RASGRP3: variants seen among roughly 807,000 people sequenced by gnomAD.
RASGRP3 encodes RAS guanyl releasing protein 3.
RASGRP3 carries 54 observed loss-of-function variants against 82.7 expected under a neutral mutation model. That is an observed-to-expected ratio of 0.65 (90% CI 0.52 to 0.82). The LOEUF is 0.82. Among genes scored for constraint, RASGRP3 ranks in the 40% least tolerant of loss-of-function variants. The pLI is 0.00. For synonymous variants in RASGRP3, 309 were observed against 300.5 expected, an observed-to-expected ratio of 1.03 and a Z score of -0.29; for missense variants, 861 against 828.9, an observed-to-expected ratio of 1.04 and a Z score of -0.48.
upstream of RASGRP3, chr2:33,476,488 A>G (rs1446483346): frequency 6.6e-6 from 1 of 152,226 alleles, no homozygotes; most frequent in Non-Finnish European, 1.5e-5. Flanking sequence ...GGCTGAGCCA[A>G]CTCAGGGGTT....
At chr2:33,458,422 G>A (rs556705341) in intron 2 of RASGRP3, among the ~76,000 whole-genome samples, 1 of 152,138 alleles carries the variant, frequency 6.6e-6, no homozygotes, top group African/African-American at 2.4e-5. Context: ...AGCCATATCA[G>A]TTAACAGTAA....
At chr2:33,492,914 T>C (rs1208127220) in intron 1 of RASGRP3, 4 of 152,228 alleles carry the variant, frequency 2.6e-5, no homozygotes, top group Non-Finnish European at 5.9e-5. Flanking sequence ...GGAGCCTTGG[T>C]GCACCGAAGT....
At chr2:33,561,453 CT>C (rs1265144355) in intron 17 of RASGRP3, among the ~76,000 whole-genome samples, 4 of 152,038 alleles carry the variant, frequency 2.6e-5, no homozygotes, top group Non-Finnish European at 5.9e-5. Flanking sequence ...GACGTATGCT[CT>C]TATATGAAAT....
intron 1 of RASGRP3, among the ~76,000 whole-genome samples, chr2:33,485,499 A>G (rs557949122): frequency 6.6e-6 from 1 of 152,336 alleles, no homozygotes; most frequent in Non-Finnish European, 1.5e-5. Flanking sequence ...GCAACACCCA[A>G]AAATCATTAT....
chr2:33,535,022 G>A (rs978439760), intron 11 of RASGRP3, among the ~76,000 whole-genome samples: 1 of 152,104 alleles, frequency 6.6e-6, no homozygotes, highest in Admixed American at 6.5e-5. Context: ...AAGGAAAGGA[G>A]TAATAACTCA....
chr2:33,515,527 T>C (rs772629014), intron 3 of RASGRP3, among the ~76,000 whole-genome samples: 1 of 152,238 alleles, frequency 6.6e-6, no homozygotes, highest in East Asian at 1.9e-4. Flanking sequence ...ATAGTACCAT[T>C]CCTAGTCTTC....
chr2:33,561,189 C>T (rs1043272809), intron 17 of RASGRP3, among the ~76,000 whole-genome samples: 5 of 152,146 alleles, frequency 3.3e-5, no homozygotes, highest in African/African-American at 9.6e-5. Context: ...GCCTCAGCCT[C>T]CCAAGTAGCT....
At chr2:33,478,826 C>G (rs1046209339) in intron 1 of RASGRP3, among the ~76,000 whole-genome samples, 1 of 152,200 alleles carries the variant, frequency 6.6e-6, no homozygotes, top group African/African-American at 2.4e-5. Flanking sequence ...ATAACAATCC[C>G]TTACTTTTAT....
rs998234673 is a variant in RASGRP3, at chr2:33,555,541, T to C, written c.1553T>C (p.Ile518Thr). 2.5e-6 allele frequency: 4 copies of C among 1,599,694 alleles called. No individual in the cohort carries two copies. The highest frequency in any genetic ancestry group is 3.4e-6 in the Non-Finnish European group (4 of 1,169,336). ...TGTCTTTTGTTACAGCTCTGGGGCA[T>C]AATCAAGCAAGGATACAAATGCAAA... ...CEHCAGFLWG[I>T]IKQGYKCKDC... is the part of the protein sequence containing the mutation. Residue 518 changes from isoleucine to threonine, a missense_variant, in exon 15 of 18, where the codon ATA (isoleucine) becomes ACA (threonine). By Grantham distance (89) the Ile-to-Thr change is moderately conservative. Coordinates refer to ENST00000403687, the MANE Select transcript of RASGRP3 (RefSeq NM_001139488.2).
intron 13 of RASGRP3, among the ~76,000 whole-genome samples, chr2:33,549,375 C>T (rs1179382167): frequency 6.6e-6 from 1 of 152,152 alleles, no homozygotes; most frequent in Admixed American, 6.5e-5. Context: ...TGCACACACA[C>T]ACACACACGC....
chr2:33,522,801 C>T lies in RASGRP3; in HGVS notation c.516+699C>T, dbSNP rs72785945. 5.4e-3 allele frequency among the ~76,000 whole-genome samples: 817 copies of T among 152,294 alleles called. 5 individuals are homozygous for T. The highest frequency in any genetic ancestry group is 0.017 in the Middle Eastern group (5 of 294). ...TTCCAAGGTGTCAGAGAATGAATTA[C>T]ATTATTGCGTGCAAAGAAGACTGTC... On this transcript the variant is annotated intron_variant, in intron 7 of 17. Coordinates refer to ENST00000403687, the MANE Select transcript of RASGRP3 (RefSeq NM_001139488.2).
intron 1 of RASGRP3, among the ~76,000 whole-genome samples, chr2:33,485,046 A>G (rs1668253576): frequency 6.6e-6 from 1 of 152,134 alleles, no homozygotes; most frequent in African/African-American, 2.4e-5. Context: ...TAAAAATACA[A>G]AATTAGCCAA....
intron 14 of RASGRP3, among the ~76,000 whole-genome samples, chr2:33,553,100 T>C (rs570560274): frequency 5.3e-5 from 8 of 150,852 alleles, no homozygotes; most frequent in Non-Finnish European, 1.0e-4. Flanking sequence ...CTGTATCTTT[T>C]TCAGCAGTTC....
At chr2:33,451,857 T>C (rs1281083437) in intron 2 of RASGRP3, among the ~76,000 whole-genome samples, 1 of 152,186 alleles carries the variant, frequency 6.6e-6, no homozygotes, top group Non-Finnish European at 1.5e-5. Context: ...CTAATGTATA[T>C]ATTGGATTGC....
At chr2:33,525,476 A>G (rs969601678) in intron 9 of RASGRP3, among the ~76,000 whole-genome samples, 1 of 152,002 alleles carries the variant, frequency 6.6e-6, no homozygotes, top group Admixed American at 6.6e-5. Flanking sequence ...AGATTCTCAT[A>G]TAAGAGTGCA....
chr2:33,519,044 A>T (rs953739675), intron 4 of RASGRP3, among the ~76,000 whole-genome samples: 13 of 152,232 alleles, frequency 8.5e-5, no homozygotes, highest in African/African-American at 3.1e-4. Context: ...ATTTATTCTC[A>T]AGTATCATAT....
Position 33,549,711 on chromosome 2 carries a change from C to A in RASGRP3, c.1502C>A (p.Thr501Asn). 6.2e-7 allele frequency: 1 copy of A among 1,613,964 alleles called. No individual in the cohort carries two copies. The highest frequency in any genetic ancestry group is 1.1e-5 in the South Asian group (1 of 91,074). ...TTTATCCATAATTTTCAGGAGATGA[C>A]CTATCTCAAGCCAACCTTCTGCGAA... ...PGFIHNFQEMTYLKPTFCEHC... is the reference protein window; with the variant it reads ...PGFIHNFQEMNYLKPTFCEHC... The change falls in exon 14 of 18, where the codon ACC becomes AAC. Residue 501 changes from threonine (T) to asparagine (N), a missense_variant. Coordinates refer to ENST00000403687, the MANE Select transcript of RASGRP3 (RefSeq NM_001139488.2).
chr2:33,533,802 A>T (rs1293566644), intron 10 of RASGRP3: 1 of 155,338 alleles, frequency 6.4e-6, no homozygotes, highest in African/African-American at 2.4e-5. Flanking sequence ...CTACGAACAC[A>T]TCTTTTTAGG....
At position 33,562,882 on chromosome 2, in the gene RASGRP3, G is replaced by A. The variant is rs1049530455; in HGVS notation, c.*145G>A. 1.9e-6 allele frequency: 2 copies of A among 1,074,806 alleles called. No individual in the cohort carries two copies. The highest frequency in any genetic ancestry group is 2.7e-6 in the Non-Finnish European group (2 of 735,424). 66.6% of individuals were successfully genotyped at this position (1,074,806 alleles called of 1,614,324 possible). Reference sequence around the variant, plus strand: ...CCTTGGGACACTGTGGGATCTCCATGTTTGGACTATGGGACAGAGAATTGA... The same window carrying A: ...CCTTGGGACACTGTGGGATCTCCATATTTGGACTATGGGACAGAGAATTGA... On this transcript the variant is annotated 3_prime_UTR_variant, in exon 18 of 18. Transcript: ENST00000403687.
Sources: gnomAD v4.1 joint callset for allele counts (sites outside exome capture counted in the v4.1 genomes callset) on GRCh38, gnomAD v4.1.1 for gene constraint, MANE v1.5 for transcripts, NCBI Gene and HGNC (gene_info 2026-07-23, HGNC 2026-07-21) for gene names.